PACRG: variants seen among roughly 807,000 people sequenced by gnomAD.
The protein encoded by PACRG is parkin coregulated, also known as parkin coregulated gene protein.
In PACRG, 29 loss-of-function variants were observed where a neutral mutation model predicts 29.7. That is an observed-to-expected ratio of 0.98 (90% CI 0.73 to 1.33). The LOEUF (loss-of-function observed/expected upper bound fraction) is 1.33. Among genes scored for constraint, PACRG ranks in the 40% most tolerant of loss-of-function variants. The pLI is 0.00. For synonymous variants in PACRG, 116 were observed against 118.7 expected, an observed-to-expected ratio of 0.98 and a Z score of 0.15; for missense variants, 279 against 316.2, an observed-to-expected ratio of 0.88 and a Z score of 0.89.
chr6:163,080,658 G>C (rs1488834408), intron 3 of PACRG, among the ~76,000 whole-genome samples: 1 of 152,156 alleles, frequency 6.6e-6, no homozygotes, highest in African/African-American at 2.4e-5. Context: ...GTATGTCATG[G>C]AGAGAATGGC....
intron 2 of PACRG, among the ~76,000 whole-genome samples, chr6:162,959,330 G>T (rs1278517935): frequency 1.3e-5 from 2 of 152,056 alleles, no homozygotes; most frequent in Non-Finnish European, 2.9e-5. Flanking sequence ...AACTAGAGGG[G>T]TCAGGGTGAG....
intron 4 of PACRG, among the ~76,000 whole-genome samples, chr6:163,233,956 T>C (rs989183): frequency 0.72 from 109,779 of 152,104 alleles, 40,524 homozygotes; most frequent in African/African-American, 0.88. Flanking sequence ...ACATTTTGTC[T>C]TGGGGCTCAA....
In PACRG at chr6:162,745,195, T is replaced by G. The variant is rs546577148; in HGVS notation, c.156+16804T>G. 2.6e-5 allele frequency among the ~76,000 whole-genome samples: 4 copies of G among 152,280 alleles called. No homozygotes were observed. The South Asian group carries it at 8.3e-4, about 32-fold the overall frequency. ...AATCCATGTGCCATATATACACTAC[T>G]GAATAGCCATAAAAAGGAATGAGAT... On this transcript the variant is annotated intron_variant, in intron 1 of 4. Transcript: ENST00000366888.
intron 2 of PACRG, among the ~76,000 whole-genome samples, chr6:163,008,543 ATT>A (rs1805334011): frequency 6.6e-6 from 1 of 151,334 alleles, no homozygotes; most frequent in East Asian, 1.9e-4. Flanking sequence ...CAGAGTAATC[ATT>A]AGACAAAGGA....
intron 3 of PACRG, among the ~76,000 whole-genome samples, chr6:163,079,373 G>T (rs1812854759): frequency 6.7e-6 from 1 of 150,234 alleles, no homozygotes. Flanking sequence ...CAAATCATTA[G>T]TGCGTATTAC....
At chr6:162,771,539 A>G (rs1333963) in intron 1 of PACRG, among the ~76,000 whole-genome samples, 11,635 of 152,050 alleles carry the variant, frequency 0.077, 629 homozygotes, top group Middle Eastern at 0.17. Context: ...CATCCACTAC[A>G]GAGTTAATGG....
At chr6:162,844,095 G>A (rs1157577687) in intron 2 of PACRG, among the ~76,000 whole-genome samples, 1 of 142,560 alleles carries the variant, frequency 7.0e-6, no homozygotes, top group Non-Finnish European at 1.5e-5. Flanking sequence ...ACAGAGGCAG[G>A]CAGGCCTCCT....
intron 1 of PACRG, among the ~76,000 whole-genome samples, chr6:162,748,949 C>G (rs34731137): frequency 0.084 from 12,721 of 152,174 alleles, 700 homozygotes; most frequent in South Asian, 0.22. Context: ...CTCCTTCCCC[C>G]CTTCTCCAGT....
intron 1 of PACRG, among the ~76,000 whole-genome samples, chr6:162,731,538 G>A (rs556665485): frequency 8.6e-5 from 13 of 151,976 alleles, no homozygotes; most frequent in African/African-American, 1.4e-4. Flanking sequence ...CAAATACTAC[G>A]CCATGTTATA....
intron 4 of PACRG, among the ~76,000 whole-genome samples, chr6:163,200,978 G>A (rs552044287): frequency 2.8e-4 from 43 of 152,342 alleles, no homozygotes; most frequent in Admixed American, 7.2e-4. Flanking sequence ...GGGATCCGCA[G>A]AACATGGGTC....
At chr6:162,838,296 G>A (rs1156567853) in intron 2 of PACRG, among the ~76,000 whole-genome samples, 1 of 152,128 alleles carries the variant, frequency 6.6e-6, no homozygotes, top group South Asian at 2.1e-4. Context: ...GTCACTCAGG[G>A]ACCTAAGTTA....
rs372898608 is a variant in PACRG at position 162,865,256 on chromosome 6, T to C, written c.291+50975T>C. 3.3e-5 allele frequency among the ~76,000 whole-genome samples: 5 copies of C among 152,192 alleles called. No homozygotes were observed. The East Asian group carries it at 7.7e-4, about 23-fold the overall frequency. On this transcript the variant is annotated intron_variant, in intron 2 of 4. Coordinates refer to ENST00000366888, the MANE Select transcript of PACRG (RefSeq NM_001080379.2). ...GAGATATAAAATTGTGGGCTATGTA[T>C]GCAATCTGCCTTGGCTCCCATAAAA...
upstream of PACRG, chr6:162,727,384 G>T (rs1013608415): frequency 1.9e-5 from 9 of 469,970 alleles, no homozygotes; most frequent in African/African-American, 1.5e-4. Context: ...AACGAGGAGC[G>T]GGGGTGCGGG....
chr6:163,143,462 C>T (rs1481318575), intron 4 of PACRG, among the ~76,000 whole-genome samples: 1 of 152,126 alleles, frequency 6.6e-6, no homozygotes, highest in Non-Finnish European at 1.5e-5. Context: ...CCTGTGATCC[C>T]AGAGCAACAA....
Position 163,101,785 on chromosome 6 carries a change from G to A in PACRG, c.613+12377G>A, listed in dbSNP as rs147589453. Among the ~76,000 whole-genome samples the A allele has an allele frequency of 9.3e-3, 1,409 of 152,290 alleles. 8 individuals are homozygous for A. The highest frequency in any genetic ancestry group is 0.015 in the Non-Finnish European group (1,019 of 68,030). On this transcript the variant is annotated intron_variant, in intron 4 of 4. Transcript: ENST00000366888. ...CTGCTCTCACCGTAAGCCTGGTTGC[G>A]CTGCCTACACAAAGACTAATGCACC...
chr6:162,791,308 TTTG>T, intron 1 of PACRG, among the ~76,000 whole-genome samples: 1 of 66,160 alleles, frequency 1.5e-5, no homozygotes, highest in Non-Finnish European at 2.9e-5. Context: ...AGTTTGTTTG[TTTG>T]TTTTTTTTTT....
intron 4 of PACRG, among the ~76,000 whole-genome samples, chr6:163,239,862 C>A (rs909120184): frequency 2.2e-5 from 3 of 136,178 alleles, no homozygotes; most frequent in African/African-American, 8.4e-5. Context: ...TCTCACACTC[C>A]CACCCCGACA....
At position 163,241,825 on chromosome 6, in the gene PACRG, G is replaced by C. The variant is rs190592863; in HGVS notation, c.614-73002G>C. On this transcript the variant is annotated intron_variant, in intron 4 of 4. Coordinates refer to ENST00000366888, the MANE Select transcript of PACRG (RefSeq NM_001080379.2). The stretch of plus-strand genomic sequence containing the variant: ...TGAGAGGCCATGGTAAACCCAAAGG[G>C]GGGGCACGGGCTGGGGATGGAACAG... Among the ~76,000 whole-genome samples the C allele has an allele frequency of 5.8e-3, 890 of 152,316 alleles. 11 individuals carry two copies. The highest frequency in any genetic ancestry group is 0.02 in the African/African-American group (844 of 41,566).
chr6:162,914,508 G>GTTTTTTTTT (rs3028611), intron 2 of PACRG, among the ~76,000 whole-genome samples: 151 of 95,062 alleles, frequency 1.6e-3, no homozygotes, highest in Middle Eastern at 0.012. Context: ...GTACTTTTTT[G>GTTTTTTTTT]TTTTTTTTTT....
Sources: gnomAD v4.1 joint callset for allele counts (sites outside exome capture counted in the v4.1 genomes callset) on GRCh38, gnomAD v4.1.1 for gene constraint, MANE v1.5 for transcripts, NCBI Gene and HGNC (gene_info 2026-07-23, HGNC 2026-07-21) for gene names.